The following ERBB4 variants were observed in gnomAD, a reference collection of about 807,000 sequenced individuals.
ERBB4 encodes receptor tyrosine-protein kinase erbB-4.
Under a neutral mutation model 158.0 loss-of-function variants are expected in ERBB4, and 42 were observed. The observed-to-expected ratio is 0.27, with a 90% CI of 0.21 to 0.34. The LOEUF (loss-of-function observed/expected upper bound fraction) is 0.34, where lower values mean the gene tolerates loss of function less well. Ranked by LOEUF, ERBB4 falls within the 10% of genes least tolerant of loss-of-function variation. The pLI, the probability that ERBB4 is intolerant of heterozygous loss-of-function variation, is 1.00. For synonymous variants in ERBB4, 583 were observed against 558.7 expected, an observed-to-expected ratio of 1.04 and a Z score of -0.61; for missense variants, 1,333 against 1,624.1, an observed-to-expected ratio of 0.82 and a Z score of 3.08.
chr2:211,525,743 C>T (rs1335763516), intron 20 of ERBB4, among the ~76,000 whole-genome samples: 1 of 152,110 alleles, frequency 6.6e-6, no homozygotes, highest in African/African-American at 2.4e-5. Context: ...TCAGGCCTGG[C>T]AGCATTCACC....
intron 19 of ERBB4, among the ~76,000 whole-genome samples, chr2:211,580,793 T>G (rs1354509884): frequency 2.0e-4 from 13 of 65,658 alleles, no homozygotes; most frequent in East Asian, 3.5e-4. Flanking sequence ...TTGTGATATA[T>G]ATATATATAT....
chr2:212,142,933 ATCT>A (rs909081798), intron 1 of ERBB4, among the ~76,000 whole-genome samples: 2 of 151,076 alleles, frequency 1.3e-5, no homozygotes, highest in African/African-American at 4.9e-5. Context: ...GTTTAGGAAC[ATCT>A]TTTTTTTTTT....
intron 3 of ERBB4, among the ~76,000 whole-genome samples, chr2:211,823,100 GC>G (rs2105947565): frequency 6.6e-6 from 1 of 152,052 alleles, no homozygotes; most frequent in East Asian, 1.9e-4. Flanking sequence ...TTGGAGCAGA[GC>G]TTTTCCAGTC....
chr2:211,711,163 T>C (rs1231940278), intron 9 of ERBB4, among the ~76,000 whole-genome samples: 1 of 152,062 alleles, frequency 6.6e-6, no homozygotes, highest in Non-Finnish European at 1.5e-5. Context: ...CAATAATACA[T>C]ATAATAATTG....
chr2:211,866,401 C>A (rs891857366), intron 3 of ERBB4, among the ~76,000 whole-genome samples: 2 of 151,916 alleles, frequency 1.3e-5, no homozygotes, highest in African/African-American at 4.8e-5. Context: ...CCTAAGAATA[C>A]CTAGACCATG....
chr2:211,426,320 G>A (rs1475082787), intron 22 of ERBB4, among the ~76,000 whole-genome samples: 1 of 152,108 alleles, frequency 6.6e-6, no homozygotes, highest in African/African-American at 2.4e-5. Flanking sequence ...GTATATCACA[G>A]CCAGTGCTTA....
chr2:212,446,594 TATATATATATATATATATATATATATATA>T (rs1227328731), intron 1 of ERBB4, among the ~76,000 whole-genome samples: 1 of 14,320 alleles, frequency 7.0e-5, no homozygotes, highest in Non-Finnish European at 1.2e-4. Flanking sequence ...TATATATGTA[TATATATATATATATATATATATATATATA>T]TATATATATA....
chr2:211,798,948 C>T (rs1262373905), intron 3 of ERBB4, among the ~76,000 whole-genome samples: 2 of 152,100 alleles, frequency 1.3e-5, no homozygotes, highest in Non-Finnish European at 2.9e-5. Context: ...AATTTCCTGT[C>T]ATTTCTCTAA....
intron 9 of ERBB4, among the ~76,000 whole-genome samples, chr2:211,709,671 A>G (rs1397840418): frequency 1.3e-5 from 2 of 152,112 alleles, no homozygotes; most frequent in African/African-American, 4.8e-5. Flanking sequence ...GGATTGAGTC[A>G]TGTTTTATAC....
At chr2:211,411,882 T>C (rs1471502398) in intron 25 of ERBB4, among the ~76,000 whole-genome samples, 1 of 152,084 alleles carries the variant, frequency 6.6e-6, no homozygotes, top group African/African-American at 2.4e-5. Flanking sequence ...TGATAAAGCA[T>C]GGAAATATTA....
intron 3 of ERBB4, among the ~76,000 whole-genome samples, chr2:211,917,938 C>G (rs1214257478): frequency 6.6e-6 from 1 of 152,094 alleles, no homozygotes; most frequent in African/African-American, 2.4e-5. Flanking sequence ...ACTTAAGAGT[C>G]CACTGGGGGA....
chr2:212,050,907 T>C (rs367867862), intron 2 of ERBB4, among the ~76,000 whole-genome samples: 7 of 152,294 alleles, frequency 4.6e-5, no homozygotes, highest in Middle Eastern at 3.4e-3. Context: ...AAAATGGGTA[T>C]TTCTGCCGTA....
At chr2:211,708,582 A>G (rs911785101) in intron 9 of ERBB4, among the ~76,000 whole-genome samples, 4 of 149,324 alleles carry the variant, frequency 2.7e-5, no homozygotes, top group Non-Finnish European at 6.0e-5. Flanking sequence ...TTTGTTTTTT[A>G]TTGATTTTCA....
intron 3 of ERBB4, among the ~76,000 whole-genome samples, chr2:211,833,523 T>TA (rs2077270434): frequency 1.3e-5 from 2 of 152,120 alleles, no homozygotes; most frequent in South Asian, 4.2e-4. Flanking sequence ...ATGATTTGTT[T>TA]AGACTCAGAT....
chr2:211,705,400 T>A lies in ERBB4; in HGVS notation c.1125-9A>T. On this transcript the variant is annotated splice_polypyrimidine_tract_variant and intron_variant, in intron 9 of 27. Transcript: ENST00000342788. ...TTGCATTGTAAGGGTCCCTAGAAAA[T>A]CAAGAAGAGATGTAGCCAAATTTAA... is the stretch of plus-strand genomic sequence containing the variant. 6.3e-7 allele frequency: 1 copy of A among 1,589,050 alleles called. No homozygotes were observed. Among genetic ancestry groups the A allele is most frequent in the Non-Finnish European group, 8.6e-7 (1 of 1,157,244 alleles).
chr2:212,452,009 G>GGTTTTTTTTTTTTTT (rs1270328511), intron 1 of ERBB4, among the ~76,000 whole-genome samples: 1 of 139,004 alleles, frequency 7.2e-6, no homozygotes. Context: ...GAGTGTGCAG[G>GGTTTTTTTTTTTTTT]TTTTTTTTTT....
At chr2:212,497,196 A>T (rs948848413) in intron 1 of ERBB4, among the ~76,000 whole-genome samples, 4 of 151,874 alleles carry the variant, frequency 2.6e-5, no homozygotes, top group African/African-American at 9.7e-5. Context: ...AAAAAAAAAA[A>T]ACCCTATATT....
chr2:211,436,637 CCTT>C (rs888477757), intron 20 of ERBB4, among the ~76,000 whole-genome samples: 2 of 152,166 alleles, frequency 1.3e-5, no homozygotes, highest in African/African-American at 2.4e-5. Flanking sequence ...TACTTACCCT[CCTT>C]AACTTTAATT....
chr2:212,397,593 T>C (rs764371747), intron 1 of ERBB4, among the ~76,000 whole-genome samples: 3 of 152,084 alleles, frequency 2.0e-5, no homozygotes, highest in Non-Finnish European at 4.4e-5. Context: ...CATTCATACC[T>C]TGTTATTACA....
Sources: allele counts gnomAD v4.1 joint callset (sites outside exome capture counted in the v4.1 genomes callset), GRCh38; gene constraint gnomAD v4.1.1; transcripts MANE v1.5; gene names NCBI Gene and HGNC (gene_info 2026-07-23, HGNC 2026-07-21).